The following GAPDHS variants were observed in gnomAD, a reference collection of about 807,000 sequenced individuals.
GAPDHS encodes glyceraldehyde-3-phosphate dehydrogenase, testis-specific.
GAPDHS carries 42 observed loss-of-function variants against 48.7 expected under a neutral mutation model. The ratio of observed to expected loss-of-function variants is 0.86; its 90% CI spans 0.67 to 1.12. The LOEUF is 1.12. GAPDHS is among the 50% of genes most tolerant of loss of function. The probability of loss-of-function intolerance (pLI) is 0.00; values close to 1 mark genes in which losing one functional copy is unlikely to be tolerated. For synonymous variants in GAPDHS, 166 were observed against 219.1 expected (o/e 0.76, Z 2.14); for missense variants, 512 against 557.7 (o/e 0.92, Z 0.82).
At chr19:35,543,619 A>G (rs779515547) in intron 8 of GAPDHS, 46 bp from the exon 9 acceptor site, 4 of 1,599,064 alleles carry the variant, frequency 2.5e-6, no homozygotes, top group Non-Finnish European at 2.6e-6. Context: ...AATGGAGGGC[A>G]ACGTCCCTAA....
chr19:35,542,477 G>C lies in GAPDHS; in HGVS notation c.541-13G>C. On this transcript the variant is annotated splice_polypyrimidine_tract_variant and intron_variant, in intron 5 of 10. Transcript: ENST00000222286. ...GGTGCCAGAAGCCCCTGACACCTGC[G>C]CTTCCTCCCCAGGACCACATCTCTG... 6.2e-7 allele frequency: 1 copy of C among 1,608,468 alleles called. No individual in the cohort carries two copies.
At chr19:35,542,680 C>G in intron 6 of GAPDHS, 72 bp downstream of exon 6, 1 of 1,038,470 alleles carries the variant, frequency 9.6e-7, no homozygotes, top group Non-Finnish European at 1.5e-6. Context: ...CTCAGCCCCA[C>G]TGGATTCCTG....
chr19:35,542,574 A>T lies in GAPDHS; in HGVS notation c.625A>T (p.Asn209Tyr). The T allele has an allele frequency of 6.2e-7, 1 of 1,613,160 alleles. No individual in the cohort carries two copies. The highest frequency in any genetic ancestry group is 8.5e-7 in the Non-Finnish European group (1 of 1,179,190). ...APMFVMGVNE[N>Y]DYNPGSMNIV... is the part of the protein sequence containing the mutation. ...AATGTTCGTCATGGGTGTCAATGAA[A>T]ATGACTATAACCCTGGCTCCATGAA... Residue 209 changes from asparagine (N) to tyrosine (Y), a missense_variant, in exon 6 of 11, where the codon AAT becomes TAT. Physicochemically the swap from Asn to Tyr is moderately radical, Grantham distance 143. Transcript: ENST00000222286.
intron 9 of GAPDHS, 183 bp downstream of exon 9, chr19:35,544,010 A>G: frequency 8.6e-7 from 1 of 1,164,138 alleles, no homozygotes. Context: ...TTGCCAGGTG[A>G]CCATACAGTC....
rs371898277 is a variant in GAPDHS at position 35,542,924 on chromosome 19, T to G, written c.660-21T>G. The stretch of plus-strand genomic sequence containing the variant: ...TCTGCGACTCACCTCACAGTGTCCG[T>G]GCACACCTTGGCTGTTTCAGCAACG... On this transcript the variant is annotated intron_variant, in intron 6 of 10. Transcript: ENST00000222286. 269 of 1,601,920 alleles carry G rather than the reference T, an allele frequency of 1.7e-4. No individual in the cohort carries two copies. In the African/African-American group the frequency reaches 3.4e-3, roughly 20 times the overall value.
rs540189928 is a variant in GAPDHS at position 35,534,256 on chromosome 19, C to G, written c.67+662C>G. ...CGGAGGAACCAGGTCTTCCGGTGGG[C>G]TGCCTCCATTCCCACACTGTTCCCT... On this transcript the variant is annotated intron_variant, in intron 1 of 10. Coordinates refer to ENST00000222286, the MANE Select transcript of GAPDHS (RefSeq NM_014364.5). Among the ~76,000 whole-genome samples, 3 of 152,268 alleles carry G rather than the reference C, an allele frequency of 2.0e-5. No individual in the cohort carries two copies. The South Asian group carries it at 6.2e-4, about 32-fold the overall frequency.
At chr19:35,539,423 C>T (rs927762709) in intron 4 of GAPDHS, among the ~76,000 whole-genome samples, 4 of 152,132 alleles carry the variant, frequency 2.6e-5, no homozygotes, top group African/African-American at 7.2e-5. Context: ...TGCCCTGGGC[C>T]GAGAGAAGGG....
chr19:35,537,873 C>T (rs2071475748), intron 2 of GAPDHS, among the ~76,000 whole-genome samples: 1 of 152,100 alleles, frequency 6.6e-6, no homozygotes. Flanking sequence ...GTCAGGAGTT[C>T]GAGACCAGCC....
rs967166360 is a variant in GAPDHS at position 35,533,538 on chromosome 19, G to A, written c.11G>A (p.Arg4His). ...ACCTTATAAGAGGCCATGTCGAAGCGCGACATCGTCCTCACCAATGTCACC... is the reference window on the plus strand; with the variant it reads ...ACCTTATAAGAGGCCATGTCGAAGCACGACATCGTCCTCACCAATGTCACC... MSKRDIVLTNVTVV... is the reference protein window; with the variant it reads MSKHDIVLTNVTVV... The change falls in exon 1 of 11, where the codon CGC (arginine) becomes CAC (histidine). Residue 4 changes from arginine to histidine, a missense_variant. Transcript: ENST00000222286. 1 of 1,613,666 alleles carries A rather than the reference G, an allele frequency of 6.2e-7. No homozygotes were observed. The highest frequency in any genetic ancestry group is 2.2e-5 in the East Asian group (1 of 44,876).
In GAPDHS at chr19:35,539,481, A is replaced by G. The variant is rs551713461; in HGVS notation, c.449+798A>G. ...GTTTAGAATTTTATTTTTGGCTGAC[A>G]TTCACCTTTCTAATGTAAACTATTA... On this transcript the variant is annotated intron_variant, in intron 4 of 10. Transcript: ENST00000222286. Among the ~76,000 whole-genome samples, 536 of 152,228 alleles carry G rather than the reference A, an allele frequency of 3.5e-3. 4 individuals are homozygous for G. The highest frequency in any genetic ancestry group is 0.013 in the African/African-American group (526 of 41,534).
chr19:35,535,891 C>G (rs1023141602), intron 1 of GAPDHS, among the ~76,000 whole-genome samples: 1 of 151,678 alleles, frequency 6.6e-6, no homozygotes, highest in African/African-American at 2.4e-5. Context: ...TGCCTCAGCC[C>G]CCCGAGGAGC....
chr19:35,543,185 C>G (rs1195341603), intron 7 of GAPDHS, 155 bp from the exon 8 acceptor site: 25 of 1,051,460 alleles, frequency 2.4e-5, no homozygotes, highest in Non-Finnish European at 3.3e-5. Flanking sequence ...AACCCTCAGG[C>G]AAGGCTGGAC....
rs748828647 is a variant in GAPDHS at position 35,542,326 on chromosome 19, C to T, written c.457C>T (p.Pro153Ser). The T allele has an allele frequency of 6.2e-7, 1 of 1,610,104 alleles. No homozygotes were observed. The highest frequency in any genetic ancestry group is 1.1e-5 in the South Asian group (1 of 90,956). Reference sequence around the variant, plus strand: ...CCTGCCACTTCCCCACAGCAAAGAGCCCAAACAGATCCCCTGGAGGGCTGT... The same window carrying T: ...CCTGCCACTTCCCCACAGCAAAGAGTCCAAACAGATCCCCTGGAGGGCTGT... ...HEISVYQCKE[P>S]KQIPWRAVGS... The change falls in exon 5 of 11, where the codon CCC becomes TCC. Residue 153 changes from proline to serine, a missense_variant. By Grantham distance (74) the Pro-to-Ser change is moderately conservative. Coordinates refer to ENST00000222286, the MANE Select transcript of GAPDHS (RefSeq NM_014364.5).
intron 9 of GAPDHS, 106 bp from the exon 10 acceptor site, chr19:35,544,803 T>G: frequency 1.3e-6 from 1 of 761,894 alleles, no homozygotes; most frequent in Non-Finnish European, 2.4e-6. Context: ...ACATCAAATA[T>G]TATAGATGAA....
Position 35,537,913 on chromosome 19 carries a change from T to TA in GAPDHS, c.246-389dup, listed in dbSNP as rs542394696. ...CAACATGGCAAAACCCCGTCTCTAT[T>TA]AAAAATACAAAAATTAGCCAGGTGT... On this transcript the variant is annotated intron_variant, in intron 2 of 10. Coordinates refer to ENST00000222286, the MANE Select transcript of GAPDHS (RefSeq NM_014364.5). 2.9e-4 allele frequency among the ~76,000 whole-genome samples: 44 copies of TA among 152,086 alleles called. 1 individual carries two copies. The highest frequency in any genetic ancestry group is 2.5e-3 in the Admixed American group (38 of 15,282).
chr19:35,534,469 T>C lies in GAPDHS; in HGVS notation c.67+875T>C, dbSNP rs531519261. Among the ~76,000 whole-genome samples, 4 of 152,240 alleles carry C rather than the reference T, an allele frequency of 2.6e-5. No individual in the cohort carries two copies. The East Asian group carries it at 7.7e-4, about 29-fold the overall frequency. On this transcript the variant is annotated intron_variant, in intron 1 of 10. Coordinates refer to ENST00000222286, the MANE Select transcript of GAPDHS (RefSeq NM_014364.5). ...AAAGTGGGTTTATAGCGCATGCCTC[T>C]CGGGATTCAGTGGGAGGACGCAGTG...
At position 35,542,318 on chromosome 19, in the gene GAPDHS, G is replaced by A; in HGVS notation, c.450-1G>A. 6.2e-7 allele frequency: 1 copy of A among 1,607,824 alleles called. No homozygotes were observed. The highest frequency in any genetic ancestry group is 8.5e-7 in the Non-Finnish European group (1 of 1,175,696). ...GACTCAGCCCTGCCACTTCCCCACAGCAAAGAGCCCAAACAGATCCCCTGG... is the reference window on the plus strand; with the variant it reads ...GACTCAGCCCTGCCACTTCCCCACAACAAAGAGCCCAAACAGATCCCCTGG... On this transcript the variant is annotated splice_acceptor_variant, in intron 4 of 10. Transcript: ENST00000222286. LOFTEE classifies it high-confidence loss of function.
rs770500937 is a variant in GAPDHS, at chr19:35,538,577, G to A, written c.343G>A (p.Val115Met). The A allele has an allele frequency of 5.7e-6, 9 of 1,580,620 alleles. No individual in the cohort carries two copies. The highest frequency in any genetic ancestry group is 7.8e-6 in the Non-Finnish European group (9 of 1,149,850). The stretch of plus-strand genomic sequence containing the variant: ...CTAGGAGCCATTCCATCCCCCACAG[G>A]TGTACATGTTTAAGTATGACTCCAC... ...NDPFIDPEYM[V>M]YMFKYDSTHG... The change falls in exon 4 of 11, where the codon GTG (valine) becomes ATG (methionine). Residue 115 changes from valine to methionine, a missense_variant and splice_region_variant. Val to Met is a conservative substitution (Grantham distance 21, BLOSUM62 1). Coordinates refer to ENST00000222286, the MANE Select transcript of GAPDHS (RefSeq NM_014364.5).
In GAPDHS at chr19:35,545,027, G is replaced by T. The variant is rs774486388; in HGVS notation, c.1154+21G>T. 6.0e-5 allele frequency: 96 copies of T among 1,606,718 alleles called. No homozygotes were observed. The Admixed American group carries it at 1.6e-3, about 26-fold the overall frequency. Reference sequence around the variant, plus strand: ...TCATGGTAAGGGGGAAGGAGCTGGAGACTTAGAGGGAGGGGAACTAAGGGG... The same window carrying T: ...TCATGGTAAGGGGGAAGGAGCTGGATACTTAGAGGGAGGGGAACTAAGGGG... On this transcript the variant is annotated intron_variant, in intron 10 of 10. Transcript: ENST00000222286.
Sources: gnomAD v4.1 joint callset for allele counts (sites outside exome capture counted in the v4.1 genomes callset) on GRCh38, gnomAD v4.1.1 for gene constraint, MANE v1.5 for transcripts, NCBI Gene and HGNC (gene_info 2026-07-23, HGNC 2026-07-21) for gene names.